CXCL12: variants seen among roughly 807,000 people sequenced by gnomAD.
The protein encoded by CXCL12 is C-X-C motif chemokine ligand 12.
CXCL12 carries 4 observed loss-of-function variants against 10.7 expected under a neutral mutation model. The ratio of observed to expected loss-of-function variants is 0.37; its 90% confidence interval spans 0.18 to 0.86. The LOEUF (loss-of-function observed/expected upper bound fraction) is 0.86, where lower values mean the gene tolerates loss of function less well. CXCL12 is among the 40% of genes least tolerant of loss of function. CXCL12 has a pLI of 0.43. For missense variants in CXCL12, 122 were observed against 110.4 expected, an observed-to-expected ratio of 1.10 and a Z score of -0.47; for synonymous variants, 54 against 45.4, an observed-to-expected ratio of 1.19 and a Z score of -0.77.
intron 1 of CXCL12, among the ~76,000 whole-genome samples, chr10:44,381,994 C>G (rs1200681396): frequency 6.6e-6 from 1 of 152,014 alleles, no homozygotes; most frequent in Non-Finnish European, 1.5e-5. Context: ...GTAAGGGGCT[C>G]ATTTTATTTT....
At chr10:44,376,913 TA>T (rs36112451), downstream of CXCL12, 3,243 of 145,078 alleles carry the variant, frequency 0.022, 26 homozygotes, top group African/African-American at 0.034. Flanking sequence ...TCAATCGGGT[TA>T]AAAAAAAAAA....
downstream of CXCL12, chr10:44,371,715 C>T (rs1301613807): frequency 1.3e-5 from 2 of 152,764 alleles, no homozygotes; most frequent in Non-Finnish European, 2.9e-5. Context: ...TAATTTACTT[C>T]CTACTTCCTA....
chr10:44,380,136 C>T (rs1229757045), intron 2 of CXCL12, among the ~76,000 whole-genome samples: 1 of 152,180 alleles, frequency 6.6e-6, no homozygotes, highest in South Asian at 2.1e-4. Context: ...GCTTTCTTCC[C>T]GCATTTCTCC....
In CXCL12 at chr10:44,384,985, G is replaced by C. The variant is rs764973772; in HGVS notation, c.21C>G (p.Val7=). MNAKVV[V]VLVLVLTALC... ...GCGCGGTCAGCACGAGGACCAGCAC[G>C]ACCACGACCTTGGCGTTCATGGCGC... is the stretch of plus-strand genomic sequence containing the variant. Residue 7 remains valine, a synonymous_variant, in exon 1 of 3, where the codon GTC becomes GTG. Transcript: ENST00000343575. 5.3e-5 allele frequency: 55 copies of C among 1,033,468 alleles called. No homozygotes were observed. The highest frequency in any genetic ancestry group is 6.7e-5 in the Non-Finnish European group (51 of 761,630). The allele number at this position is 1,033,468 out of a possible 1,614,324, so 64.0% of individuals were successfully genotyped here. A position where few individuals can be genotyped will look rare whatever the true frequency, so the allele number is the denominator to read the frequency against.
chr10:44,384,606 G>A (rs912947978), intron 1 of CXCL12, among the ~76,000 whole-genome samples: 1 of 152,238 alleles, frequency 6.6e-6, no homozygotes, highest in Non-Finnish European at 1.5e-5. Context: ...TGGAGGGTGG[G>A]CAGGCAGGGG....
At chr10:44,372,924 C>T (rs1237338100), downstream of CXCL12, 7 of 1,535,872 alleles carry the variant, frequency 4.6e-6, no homozygotes, top group African/African-American at 6.8e-5. Flanking sequence ...CTGGCACCCC[C>T]AGGCGTCCCT....
chr10:44,378,709 T>C lies in CXCL12; in HGVS notation c.194A>G (p.Asn65Ser), dbSNP rs1191460197. ...GTCAATGCACACTTGTCTGTTGTTG[T>C]TCTTCAGCCGGGCTCTGTGAAAACA... ...CALQIVARLK[N>S]NNRQVCIDPK... The change falls in exon 3 of 3, where the codon AAC becomes AGC. Residue 65 changes from asparagine to serine, a missense_variant. Coordinates refer to ENST00000343575, the MANE Select transcript of CXCL12 (RefSeq NM_199168.4). The C allele has an allele frequency of 1.2e-6, 2 of 1,614,242 alleles. No homozygotes were observed. Among genetic ancestry groups the C allele is most frequent in the South Asian group, 2.2e-5 (2 of 91,086 alleles).
downstream of CXCL12, chr10:44,377,061 A>G (rs1839476742): frequency 1.0e-6 from 1 of 984,592 alleles, no homozygotes; most frequent in Admixed American, 6.1e-5. Flanking sequence ...AGAAACGTCT[A>G]TAAGCTCCAT....
At chr10:44,382,899 A>G (rs1406131853) in intron 1 of CXCL12, among the ~76,000 whole-genome samples, 5 of 151,936 alleles carry the variant, frequency 3.3e-5, no homozygotes, top group Admixed American at 6.6e-5. Context: ...AACTTTCCCA[A>G]CCGTTCTGGA....
intron 1 of CXCL12, among the ~76,000 whole-genome samples, chr10:44,383,515 T>A (rs1839697253): frequency 7.1e-6 from 1 of 141,580 alleles, no homozygotes; most frequent in Non-Finnish European, 1.5e-5. Flanking sequence ...TCCGCGCTCA[T>A]CCCACCAATC....
Position 44,377,488 on chromosome 10 carries a change from T to C in CXCL12, c.*1145A>G, listed in dbSNP as rs1010911571. 18 of 1,336,732 alleles carry C rather than the reference T, an allele frequency of 1.3e-5. No individual in the cohort carries two copies. Among genetic ancestry groups the C allele is most frequent in the African/African-American group, 6.1e-5 (4 of 65,964 alleles). 82.8% of individuals were successfully genotyped at this position (1,336,732 alleles called of 1,614,324 possible). A position where few individuals can be genotyped will look rare whatever the true frequency, so the allele number is the denominator to read the frequency against. On this transcript the variant is annotated 3_prime_UTR_variant, in exon 3 of 3. Transcript: ENST00000343575. Reference sequence around the variant, plus strand: ...ACCTTCTGTGGATCGCATTTATGCATGGAAATGTCACCTTGCCAACAGTTC... The same window carrying C: ...ACCTTCTGTGGATCGCATTTATGCACGGAAATGTCACCTTGCCAACAGTTC...
chr10:44,373,459 G>T, downstream of CXCL12: 1 of 871,070 alleles, frequency 1.1e-6, no homozygotes, highest in Non-Finnish European at 1.9e-6. Context: ...CTTCCAAGTT[G>T]CCACCTTGGC....
At chr10:44,373,426 G>A (rs1839369661), downstream of CXCL12, 35 of 1,242,394 alleles carry the variant, frequency 2.8e-5, 1 homozygote, top group East Asian at 3.0e-4. Flanking sequence ...CGGCCTGCGC[G>A]GAGGCCCTGG....
chr10:44,381,131 G>C (rs1054770410), intron 1 of CXCL12, among the ~76,000 whole-genome samples: 1 of 152,208 alleles, frequency 6.6e-6, no homozygotes, highest in Non-Finnish European at 1.5e-5. Flanking sequence ...CCTAGATGAG[G>C]CGGGAGTTTA....
chr10:44,384,318 G>A (rs1430510745), intron 1 of CXCL12, among the ~76,000 whole-genome samples: 1 of 152,162 alleles, frequency 6.6e-6, no homozygotes. Context: ...GAGCTGTGCA[G>A]AAGCGCGGCC....
downstream of CXCL12, chr10:44,372,572 C>T (rs1416219754): frequency 7.4e-6 from 8 of 1,087,494 alleles, no homozygotes; most frequent in Non-Finnish European, 9.4e-6. Context: ...TAACACAAGA[C>T]ATTTTCATTT....
chr10:44,383,607 T>TGCG (rs1278827396), intron 1 of CXCL12, among the ~76,000 whole-genome samples: 1,960 of 6,862 alleles, frequency 0.29, 286 homozygotes, highest in South Asian at 0.46. Flanking sequence ...CCCCATGACT[T>TGCG]GCGGGGGGGG....
downstream of CXCL12, chr10:44,373,225 C>T: frequency 6.4e-7 from 1 of 1,557,920 alleles, no homozygotes; most frequent in Non-Finnish European, 8.7e-7. Context: ...CTTGGCAATG[C>T]CTGGGGCCCT....
At chr10:44,371,376 A>G, downstream of CXCL12, 1 of 478,492 alleles carries the variant, frequency 2.1e-6, no homozygotes, top group Non-Finnish European at 4.2e-6. Context: ...TCTACGTGAC[A>G]GATTTTAAAA....
Sources: allele counts gnomAD v4.1 joint callset (sites outside exome capture counted in the v4.1 genomes callset), GRCh38; gene constraint gnomAD v4.1.1; transcripts MANE v1.5; gene names NCBI Gene and HGNC (gene_info 2026-07-23, HGNC 2026-07-21).